PTPRT: variants seen among roughly 807,000 people sequenced by gnomAD.
PTPRT encodes receptor-type tyrosine-protein phosphatase T.
In PTPRT, 56 loss-of-function variants were observed where a neutral mutation model predicts 176.8. The observed-to-expected ratio is 0.32, with a 90% CI of 0.26 to 0.40. The LOEUF (loss-of-function observed/expected upper bound fraction) is 0.40. Among genes scored for constraint, PTPRT ranks in the 10% least tolerant of loss-of-function variants. The pLI is 1.00. For synonymous variants in PTPRT, 783 were observed against 739.0 expected (o/e 1.06, Z -0.96); for missense variants, 1,540 against 1,908.2 (o/e 0.81, Z 3.60).
chr20:43,088,090 C>T (rs2011675660), intron 1 of PTPRT, among the ~76,000 whole-genome samples: 1 of 152,108 alleles, frequency 6.6e-6, no homozygotes. Flanking sequence ...ATGCTAATTA[C>T]CTGGATCCAA....
intron 9 of PTPRT, among the ~76,000 whole-genome samples, chr20:42,389,931 C>T (rs982415214): frequency 1.3e-5 from 2 of 151,712 alleles, no homozygotes; most frequent in African/African-American, 4.8e-5. Context: ...TCTTCCTTTG[C>T]CCTTCTACCA....
chr20:42,451,942 CAA>C (rs2070837499), intron 8 of PTPRT, among the ~76,000 whole-genome samples: 1 of 152,022 alleles, frequency 6.6e-6, no homozygotes, highest in Non-Finnish European at 1.5e-5. Context: ...CTCTTAAAGA[CAA>C]GAGAGGTTAT....
At chr20:42,833,397 C>A (rs983206551) in intron 2 of PTPRT, among the ~76,000 whole-genome samples, 3 of 127,324 alleles carry the variant, frequency 2.4e-5, no homozygotes, top group African/African-American at 3.0e-5. Flanking sequence ...CATAGCGAGA[C>A]CCCCCATCTC....
chr20:42,209,472 C>A (rs2055563128), intron 15 of PTPRT, among the ~76,000 whole-genome samples: 1 of 152,020 alleles, frequency 6.6e-6, no homozygotes, highest in African/African-American at 2.4e-5. Flanking sequence ...GATATCACCA[C>A]CAATCCCACA....
chr20:43,070,487 A>C (rs2011165696), intron 1 of PTPRT, among the ~76,000 whole-genome samples: 2 of 152,238 alleles, frequency 1.3e-5, no homozygotes. Context: ...ATATACCCAA[A>C]GGATTACAAA....
At chr20:42,463,432 C>A (rs1409812150) in intron 8 of PTPRT, among the ~76,000 whole-genome samples, 1 of 152,036 alleles carries the variant, frequency 6.6e-6, no homozygotes, top group East Asian at 1.9e-4. Flanking sequence ...ACTAAAATTG[C>A]TAATTTTAAC....
At chr20:42,938,972 A>C (rs111652968) in intron 1 of PTPRT, among the ~76,000 whole-genome samples, 1,592 of 152,336 alleles carry the variant, frequency 0.01, 32 homozygotes, top group African/African-American at 0.036. Flanking sequence ...CAGTTTAAAC[A>C]GAAGGTTCCT....
chr20:42,444,547 A>G (rs113657044), intron 9 of PTPRT, among the ~76,000 whole-genome samples: 9 of 152,242 alleles, frequency 5.9e-5, no homozygotes, highest in Non-Finnish European at 1.2e-4. Flanking sequence ...AACCACTTGG[A>G]CCTGCTGTAT....
chr20:42,343,459 C>T (rs151334051), intron 11 of PTPRT, among the ~76,000 whole-genome samples: 78 of 152,296 alleles, frequency 5.1e-4, no homozygotes, highest in Middle Eastern at 3.4e-3. Context: ...TGTATCTCAT[C>T]GTCATAAGTA....
intron 1 of PTPRT, among the ~76,000 whole-genome samples, chr20:43,028,810 G>C (rs1166149257): frequency 6.6e-6 from 1 of 152,216 alleles, no homozygotes; most frequent in Admixed American, 6.5e-5. Flanking sequence ...TGCCAAATCT[G>C]AGACCAAGAG....
At chr20:42,937,019 T>C (rs1980230943) in intron 1 of PTPRT, among the ~76,000 whole-genome samples, 1 of 152,206 alleles carries the variant, frequency 6.6e-6, no homozygotes, top group Non-Finnish European at 1.5e-5. Context: ...TCACTGTACC[T>C]GCAAGTGCCT....
At chr20:42,313,043 T>C (rs2057660194) in intron 12 of PTPRT, among the ~76,000 whole-genome samples, 1 of 152,050 alleles carries the variant, frequency 6.6e-6, no homozygotes, top group Admixed American at 6.5e-5. Context: ...ACAAAGACCT[T>C]GCTATAAAAA....
chr20:42,330,334 G>T (rs190041563), intron 11 of PTPRT, among the ~76,000 whole-genome samples: 1 of 151,978 alleles, frequency 6.6e-6, no homozygotes, highest in African/African-American at 2.4e-5. Flanking sequence ...TTAGCTGGGC[G>T]TGGTAGGGGC....
chr20:42,988,849 G>A (rs191040811), intron 1 of PTPRT, among the ~76,000 whole-genome samples: 6 of 152,280 alleles, frequency 3.9e-5, no homozygotes, highest in Admixed American at 2.0e-4. Context: ...CTTGTGACCT[G>A]CAACTGCCAA....
Position 42,890,960 on chromosome 20 carries a change from G to T in PTPRT, c.89-5028C>A, listed in dbSNP as rs143121788. ...TGATTTTTAAGGGGTTTCCCCTTTC[G>T]CTTGGCTCTCATTCTTTCTTGTCTG... On this transcript the variant is annotated intron_variant, in intron 1 of 30. Coordinates refer to ENST00000373187, the MANE Select transcript of PTPRT (RefSeq NM_007050.6). Among the ~76,000 whole-genome samples the T allele has an allele frequency of 4.4e-4, 67 of 152,188 alleles. 2 individuals are homozygous for T. In the South Asian group the frequency reaches 0.01, roughly 24 times the overall value.
intron 12 of PTPRT, among the ~76,000 whole-genome samples, chr20:42,302,099 T>C (rs2057478029): frequency 6.6e-6 from 1 of 152,184 alleles, no homozygotes; most frequent in African/African-American, 2.4e-5. Flanking sequence ...ACTTACAGTG[T>C]TCTCATCTGT....
chr20:42,832,158 G>A (rs1176494312), intron 2 of PTPRT, among the ~76,000 whole-genome samples: 1 of 152,146 alleles, frequency 6.6e-6, no homozygotes, highest in East Asian at 1.9e-4. Flanking sequence ...AGAAAATGTG[G>A]TACATATACA....
intron 13 of PTPRT, among the ~76,000 whole-genome samples, chr20:42,263,586 G>A (rs1031737670): frequency 1.3e-5 from 2 of 151,186 alleles, no homozygotes; most frequent in African/African-American, 4.9e-5. Flanking sequence ...TCACCATGTT[G>A]GTCAGGCTGG....
intron 9 of PTPRT, among the ~76,000 whole-genome samples, chr20:42,393,796 G>T (rs1484463797): frequency 6.6e-6 from 1 of 152,116 alleles, no homozygotes; most frequent in Non-Finnish European, 1.5e-5. Flanking sequence ...TTTTTAGTGT[G>T]CAATTTTACA....
Sources: gnomAD v4.1 joint callset for allele counts (sites outside exome capture counted in the v4.1 genomes callset) on GRCh38, gnomAD v4.1.1 for gene constraint, MANE v1.5 for transcripts, NCBI Gene and HGNC (gene_info 2026-07-23, HGNC 2026-07-21) for gene names.